CLUAP1: variants seen among roughly 807,000 people sequenced by gnomAD.
CLUAP1 encodes the protein clusterin-associated protein 1.
A neutral mutation model predicts 55.0 loss-of-function variants in CLUAP1; 50 were observed. The observed-to-expected ratio is 0.91, with a 90% CI of 0.72 to 1.15. CLUAP1 has a LOEUF of 1.15. Ranked by LOEUF, CLUAP1 falls within the 50% of genes most tolerant of loss-of-function variation. The pLI, the probability that CLUAP1 is intolerant of heterozygous loss-of-function variation, is 0.00. For missense variants in CLUAP1, 530 were observed against 507.6 expected, an observed-to-expected ratio of 1.04 and a Z score of -0.42; for synonymous variants, 195 against 175.4, an observed-to-expected ratio of 1.11 and a Z score of -0.88.
At chr16:3,530,446 T>C (rs971165376) in intron 9 of CLUAP1, 122 bp from the exon 10 acceptor site, 1 of 704,328 alleles carries the variant, frequency 1.4e-6, no homozygotes, top group African/African-American at 1.8e-5. Flanking sequence ...TTTAATGTCT[T>C]AATTTCCTGG....
upstream of CLUAP1, among the ~76,000 whole-genome samples, chr16:3,499,581 T>C (rs1005161846): frequency 1.3e-5 from 2 of 152,234 alleles, no homozygotes; most frequent in African/African-American, 2.4e-5. Flanking sequence ...TATATCTTCT[T>C]TTGTGAAGTA....
At chr16:3,496,078 T>C (rs1322561349), upstream of CLUAP1, 2 of 335,776 alleles carry the variant, frequency 6.0e-6, no homozygotes, top group Non-Finnish European at 1.2e-5. Context: ...GAGGCGAAGC[T>C]TGCAGTGAGC....
intron 8 of CLUAP1, among the ~76,000 whole-genome samples, chr16:3,523,735 C>G (rs560289909): frequency 6.6e-6 from 1 of 152,298 alleles, no homozygotes; most frequent in Admixed American, 6.5e-5. Flanking sequence ...GAGGCCAAGA[C>G]GAGCGGATCA....
Position 3,519,988 on chromosome 16 carries a change from T to A in CLUAP1, c.665T>A (p.Leu222Ter), listed in dbSNP as rs771807572. The change falls in exon 7 of 12, where the codon TTA becomes TAA. Residue 222 changes from leucine to a stop codon, truncating the protein, a stop_gained. Transcript: ENST00000576634. LOFTEE classifies it high-confidence loss of function. ...NLEAKIEKRK[L>*]ELERNRKRLE... ...GAAGCCAAAATCGAAAAGAGAAAAT[T>A]AGAACTGGAAAGAAATCGGAAGCGA... The A allele has an allele frequency of 6.2e-7, 1 of 1,613,596 alleles. No individual in the cohort carries two copies. The highest frequency in any genetic ancestry group is 8.5e-7 in the Non-Finnish European group (1 of 1,179,860).
chr16:3,531,391 G>A (rs914241778), intron 10 of CLUAP1, among the ~76,000 whole-genome samples: 7 of 152,010 alleles, frequency 4.6e-5, no homozygotes, highest in South Asian at 4.1e-4. Context: ...GCGCAATGGC[G>A]GGCGCCCATA....
chr16:3,536,677 T>C lies in CLUAP1; in HGVS notation c.*406T>C, dbSNP rs74703634. ...CACTGGGGACTCATGTTTGGAATCG[T>C]AGGGGAACATCTGGCTGTTAATCAC... On this transcript the variant is annotated 3_prime_UTR_variant, in exon 12 of 12. Transcript: ENST00000576634. 2,698 of 165,944 alleles carry C rather than the reference T, an allele frequency of 0.016. 79 individuals carry two copies. The highest frequency in any genetic ancestry group is 0.054 in the African/African-American group (2,260 of 41,948). The allele number at this position is 165,944 out of a possible 1,614,324, so 10.3% of individuals were successfully genotyped here.
intron 2 of CLUAP1, among the ~76,000 whole-genome samples, 196 bp downstream of exon 2, chr16:3,505,027 CA>C (rs2037475686): frequency 6.6e-6 from 1 of 152,164 alleles, no homozygotes; most frequent in East Asian, 1.9e-4. Context: ...TTCATAATCT[CA>C]GTCATTCAAG....
upstream of CLUAP1, chr16:3,496,558 C>A: frequency 1.8e-6 from 1 of 546,708 alleles, no homozygotes; most frequent in Non-Finnish European, 3.6e-6. Flanking sequence ...GGGTGGGGGC[C>A]AAGATCCTGA....
chr16:3,508,785 ATGCAG>A (rs144119612), intron 4 of CLUAP1, among the ~76,000 whole-genome samples: 3,533 of 152,248 alleles, frequency 0.023, 129 homozygotes, highest in African/African-American at 0.077. Flanking sequence ...GGAAGGCCAG[ATGCAG>A]TGCAGGCTGT....
At chr16:3,523,339 T>C in intron 8 of CLUAP1, 40 bp downstream of exon 8, 1 of 1,573,568 alleles carries the variant, frequency 6.4e-7, no homozygotes, top group African/African-American at 1.4e-5. Flanking sequence ...TTCCTTCTGG[T>C]GTGTTATTTT....
At position 3,532,854 on chromosome 16, in the gene CLUAP1, C is replaced by G. The variant is rs2038154665; in HGVS notation, c.1092+13C>G. Reference sequence around the variant, plus strand: ...CTCCGATGACAATGTAAGTCCCCCGCTCCCCTCAGTGGTTCTGTGCACTCT... The same window carrying G: ...CTCCGATGACAATGTAAGTCCCCCGGTCCCCTCAGTGGTTCTGTGCACTCT... On this transcript the variant is annotated intron_variant, in intron 11 of 11. Transcript: ENST00000576634. The G allele has an allele frequency of 6.2e-7, 1 of 1,613,908 alleles. No homozygotes were observed. Among genetic ancestry groups the G allele is most frequent in the East Asian group, 2.2e-5 (1 of 44,880 alleles).
chr16:3,506,730 C>T (rs939272141), intron 3 of CLUAP1, among the ~76,000 whole-genome samples: 6 of 151,924 alleles, frequency 3.9e-5, no homozygotes, highest in Admixed American at 2.0e-4. Flanking sequence ...CTCAAACTCC[C>T]GACCTCAAGT....
At position 3,508,472 on chromosome 16, in the gene CLUAP1, A is replaced by G; in HGVS notation, c.399+4A>G. 1 of 1,564,766 alleles carries G rather than the reference A, an allele frequency of 6.4e-7. No individual in the cohort carries two copies. Among genetic ancestry groups the G allele is most frequent in the Non-Finnish European group, 8.6e-7 (1 of 1,164,628 alleles). On this transcript the variant is annotated splice_donor_region_variant and intron_variant, in intron 4 of 11. Transcript: ENST00000576634. Reference sequence around the variant, plus strand: ...CAAGTTTGATCTTGGCTCAAAGGTAAGGACAACAAAAGCCTTGTAGTGGGC... The same window carrying G: ...CAAGTTTGATCTTGGCTCAAAGGTAGGGACAACAAAAGCCTTGTAGTGGGC...
chr16:3,500,976 C>T, upstream of CLUAP1: 2 of 1,316,138 alleles, frequency 1.5e-6, no homozygotes, highest in Non-Finnish European at 2.1e-6. Flanking sequence ...GTCCAAGGGT[C>T]CATTGGTTGC....
chr16:3,534,152 C>G (rs1361940547), intron 11 of CLUAP1: 4 of 152,098 alleles, frequency 2.6e-5, no homozygotes, highest in Admixed American at 2.6e-4. Flanking sequence ...CTTCATGGCT[C>G]ACACCCCAGC....
rs960242098 is a variant in CLUAP1, at chr16:3,536,347, G to A, written c.*76G>A. On this transcript the variant is annotated 3_prime_UTR_variant, in exon 12 of 12. Transcript: ENST00000576634. The stretch of plus-strand genomic sequence containing the variant: ...AATGGGAACTTAGAAGGTTAGGAAG[G>A]TAACCCCTGTTTTGTTTACTAAGCT... 9.3e-6 allele frequency: 14 copies of A among 1,512,704 alleles called. No individual in the cohort carries two copies. In the Admixed American group the frequency reaches 9.7e-5, roughly 10 times the overall value. 93.7% of individuals were successfully genotyped at this position (1,512,704 alleles called of 1,614,324 possible). A position where few individuals can be genotyped will look rare whatever the true frequency, so the allele number is the denominator to read the frequency against.
At chr16:3,496,409 A>C (rs1171973234), upstream of CLUAP1, 2 of 1,110,994 alleles carry the variant, frequency 1.8e-6, no homozygotes, top group East Asian at 3.3e-5. Flanking sequence ...GATGATCCGG[A>C]AGATGAAGCT....
chr16:3,529,763 T>C (rs2038064121), intron 9 of CLUAP1, among the ~76,000 whole-genome samples: 1 of 57,150 alleles, frequency 1.7e-5, no homozygotes, highest in Admixed American at 3.4e-4. Flanking sequence ...ATATAATATA[T>C]ATTATATTAT....
In CLUAP1 at chr16:3,532,778, G is replaced by T. The variant is rs1310292878; in HGVS notation, c.1037-8G>T. On this transcript the variant is annotated splice_region_variant and splice_polypyrimidine_tract_variant and intron_variant, in intron 10 of 11. Coordinates refer to ENST00000576634, the MANE Select transcript of CLUAP1 (RefSeq NM_015041.3). ...TTTATGACTTCTTCATGCTTTTGTT[G>T]TTCTCAGGAAGACCTGGCAAACGCA... 6.2e-7 allele frequency: 1 copy of T among 1,613,894 alleles called. No individual in the cohort carries two copies. The highest frequency in any genetic ancestry group is 2.2e-5 in the East Asian group (1 of 44,872).
Sources: allele counts gnomAD v4.1 joint callset (sites outside exome capture counted in the v4.1 genomes callset), GRCh38; gene constraint gnomAD v4.1.1; transcripts MANE v1.5; gene names NCBI Gene and HGNC (gene_info 2026-07-23, HGNC 2026-07-21).